The following ARID1B variants were observed in gnomAD, a reference collection of about 807,000 sequenced individuals.
ARID1B encodes AT-rich interaction domain 1B.
Under a neutral mutation model 212.3 loss-of-function variants are expected in ARID1B, and 30 were observed. The observed-to-expected ratio is 0.14, with a 90% CI of 0.11 to 0.19. The LOEUF is 0.19. Among genes scored for constraint, ARID1B ranks in the 10% least tolerant of loss-of-function variants. The probability of loss-of-function intolerance (pLI) is 1.00; values close to 1 mark genes in which losing one functional copy is unlikely to be tolerated. For missense variants in ARID1B, 2,891 were observed against 3,204.0 expected, an observed-to-expected ratio of 0.90 and a Z score of 2.36; for synonymous variants, 1,402 against 1,301.7, an observed-to-expected ratio of 1.08 and a Z score of -1.66.
intron 5 of ARID1B, among the ~76,000 whole-genome samples, chr6:157,093,936 A>C (rs1785445053): frequency 6.6e-6 from 1 of 152,246 alleles, no homozygotes; most frequent in Admixed American, 6.5e-5. Context: ...AAGGCGCTGA[A>C]CATAAACTGC....
chr6:156,835,854 A>C (rs948409832), intron 2 of ARID1B, among the ~76,000 whole-genome samples: 1 of 151,886 alleles, frequency 6.6e-6, no homozygotes, highest in East Asian at 1.9e-4. Context: ...CAATCCTCCC[A>C]CCTCAGCCTC....
At chr6:156,833,910 A>G (rs756235198) in intron 2 of ARID1B, among the ~76,000 whole-genome samples, 1 of 152,186 alleles carries the variant, frequency 6.6e-6, no homozygotes, top group Non-Finnish European at 1.5e-5. Context: ...TTCCAATGCA[A>G]ATGTTTATTT....
chr6:157,006,007 T>G (rs929152446), intron 4 of ARID1B, among the ~76,000 whole-genome samples: 4 of 152,176 alleles, frequency 2.6e-5, no homozygotes, highest in African/African-American at 9.7e-5. Flanking sequence ...TCCCTTGCCC[T>G]TCCTTCTATT....
intron 7 of ARID1B, chr6:157,141,168 G>C (rs1430667268): frequency 6.6e-6 from 1 of 152,524 alleles, no homozygotes; most frequent in African/African-American, 2.4e-5. Context: ...TTATCCTTGT[G>C]GAGTGAGACT....
At chr6:156,947,511 A>G (rs1287815894) in intron 4 of ARID1B, among the ~76,000 whole-genome samples, 1 of 151,972 alleles carries the variant, frequency 6.6e-6, no homozygotes, top group Non-Finnish European at 1.5e-5. Flanking sequence ...ATTTTGAAAG[A>G]TATCCCCTTT....
At chr6:157,040,512 G>C (rs928918739) in intron 4 of ARID1B, among the ~76,000 whole-genome samples, 1 of 151,908 alleles carries the variant, frequency 6.6e-6, no homozygotes, top group Non-Finnish European at 1.5e-5. Flanking sequence ...CTTTATACTT[G>C]TATGCTTTGC....
At position 157,148,059 on chromosome 6, in the gene ARID1B, G is replaced by A. The variant is rs1430807978; in HGVS notation, c.2762-565G>A. Among the ~76,000 whole-genome samples, 1 of 151,458 alleles carries A rather than the reference G, an allele frequency of 6.6e-6. No homozygotes were observed. Among genetic ancestry groups the A allele is most frequent in the Non-Finnish European group, 1.5e-5 (1 of 67,954 alleles). On this transcript the variant is annotated intron_variant, in intron 7 of 19. Coordinates refer to ENST00000636930, the MANE Select transcript of ARID1B (RefSeq NM_001374828.1). The surrounding 1 kb of genome is among the most constrained non-coding windows in gnomAD (Gnocchi z 5.6). ...GTACTCAAGCAAAAAAAGAAAGAAA[G>A]AAAGAAAAATATTATTCCCAACTTA...
intron 4 of ARID1B, among the ~76,000 whole-genome samples, chr6:157,045,537 G>A (rs1448434875): frequency 6.6e-6 from 1 of 152,064 alleles, no homozygotes; most frequent in African/African-American, 2.4e-5. Context: ...CACCATCTTG[G>A]CTCACTGCAA....
chr6:156,912,802 T>C (rs1283918084), intron 3 of ARID1B, among the ~76,000 whole-genome samples: 1 of 152,204 alleles, frequency 6.6e-6, no homozygotes, highest in African/African-American at 2.4e-5. Flanking sequence ...TTCTTGGTTT[T>C]TCCCCACACC....
At chr6:156,949,660 CTT>C (rs1160207773) in intron 4 of ARID1B, among the ~76,000 whole-genome samples, 1 of 152,210 alleles carries the variant, frequency 6.6e-6, no homozygotes, top group African/African-American at 2.4e-5. Flanking sequence ...CTGCAGTACT[CTT>C]TGGATGCAGA....
chr6:157,205,067 A>G (rs1482645171), intron 19 of ARID1B: 1 of 152,220 alleles, frequency 6.6e-6, no homozygotes, highest in Non-Finnish European at 1.5e-5. Context: ...TTTCATCCTT[A>G]TGTTAGGTGA....
At chr6:156,884,322 A>ATT (rs36056383) in intron 2 of ARID1B, among the ~76,000 whole-genome samples, 139 of 148,364 alleles carry the variant, frequency 9.4e-4, no homozygotes, top group South Asian at 1.7e-3. Context: ...TAATTTAAGA[A>ATT]TTTTTTTTTT....
At chr6:156,908,687 T>C (rs1471885999) in intron 3 of ARID1B, among the ~76,000 whole-genome samples, 4 of 152,226 alleles carry the variant, frequency 2.6e-5, no homozygotes, top group Non-Finnish European at 5.9e-5. Flanking sequence ...CTTTCAACTT[T>C]TGATATGTAT....
intron 9 of ARID1B, among the ~76,000 whole-genome samples, chr6:157,171,073 G>A (rs1226330924): frequency 1.3e-5 from 2 of 152,230 alleles, no homozygotes; most frequent in Non-Finnish European, 2.9e-5. Flanking sequence ...AGTAAAGGAA[G>A]AGGAAGAAAG....
chr6:156,776,039 C>G (rs1486171796), upstream of ARID1B, among the ~76,000 whole-genome samples: 1 of 149,630 alleles, frequency 6.7e-6, no homozygotes, highest in East Asian at 2.0e-4. Flanking sequence ...AAACAAATAA[C>G]CACTGCTGCA....
intron 4 of ARID1B, among the ~76,000 whole-genome samples, chr6:157,037,324 G>A (rs184076062): frequency 2.6e-5 from 4 of 152,130 alleles, no homozygotes; most frequent in African/African-American, 9.7e-5. Flanking sequence ...GCTCCTTCCC[G>A]TGAGGACCTC....
At chr6:157,034,622 T>C (rs1019249619) in intron 4 of ARID1B, among the ~76,000 whole-genome samples, 8 of 152,184 alleles carry the variant, frequency 5.3e-5, no homozygotes, top group Admixed American at 2.6e-4. Flanking sequence ...GGAAATTAAG[T>C]GTGAAAGTTG....
intron 9 of ARID1B, chr6:157,167,645 G>C (rs567000730): frequency 6.5e-6 from 1 of 155,006 alleles, no homozygotes; most frequent in African/African-American, 2.4e-5. Flanking sequence ...GGAAGTAGCT[G>C]CTTCATAAAT....
intron 4 of ARID1B, among the ~76,000 whole-genome samples, chr6:157,000,688 T>A (rs1009930504): frequency 1.5e-5 from 2 of 133,996 alleles, no homozygotes; most frequent in Non-Finnish European, 3.1e-5. Flanking sequence ...CACCCATTTC[T>A]AATTATTCTT....
Sources: gnomAD v4.1 joint callset for allele counts (sites outside exome capture counted in the v4.1 genomes callset) on GRCh38, gnomAD v4.1.1 for gene constraint, Gnocchi (gnomAD v3.1) non-coding constraint, MANE v1.5 for transcripts, NCBI Gene and HGNC (gene_info 2026-07-23, HGNC 2026-07-21) for gene names.